MYO5A: variants seen among roughly 807,000 people sequenced by gnomAD.
MYO5A encodes unconventional myosin-Va.
A neutral mutation model predicts 249.7 loss-of-function variants in MYO5A; 98 were observed. That is an observed-to-expected ratio of 0.39 (90% CI 0.33 to 0.46). MYO5A has a LOEUF of 0.46. Ranked by LOEUF, MYO5A falls within the 20% of genes least tolerant of loss-of-function variation. The pLI is 0.98. For synonymous variants in MYO5A, 778 were observed against 810.6 expected (o/e 0.96, Z 0.68); for missense variants, 1,696 against 2,308.8 (o/e 0.73, Z 5.44).
chr15:52,332,540 T>A (rs918488461), intron 34 of MYO5A, among the ~76,000 whole-genome samples: 20 of 152,208 alleles, frequency 1.3e-4, no homozygotes, highest in African/African-American at 4.6e-4. Flanking sequence ...TGTGCCATAC[T>A]CTCACTAAAA....
In MYO5A at chr15:52,397,296, A is replaced by G. The variant is rs2042531444; in HGVS notation, c.1224T>C (p.Tyr408=). 6.2e-7 allele frequency: 1 copy of G among 1,614,164 alleles called. No individual in the cohort carries two copies. Among genetic ancestry groups the G allele is most frequent in the Non-Finnish European group, 8.5e-7 (1 of 1,179,992 alleles). ...NARDALAKHI[Y]AKLFNWIVDN... ...CTACAATCCAGTTAAAGAGCTTGGC[A>G]TAGATGTGCTTGGCCAAAGCATCGC... Residue 408 remains tyrosine, a synonymous_variant, in exon 10 of 42, where the codon TAT becomes TAC. Coordinates refer to ENST00000399233, the MANE Select transcript of MYO5A (RefSeq NM_001382347.1).
chr15:52,524,451 A>T (rs1249654716), intron 1 of MYO5A, among the ~76,000 whole-genome samples: 1 of 151,924 alleles, frequency 6.6e-6, no homozygotes, highest in African/African-American at 2.4e-5. Flanking sequence ...CTACCCAGGA[A>T]GGTGAGGTGG....
At chr15:52,456,825 T>A (rs2076128778) in intron 1 of MYO5A, among the ~76,000 whole-genome samples, 1 of 152,092 alleles carries the variant, frequency 6.6e-6, no homozygotes, top group Non-Finnish European at 1.5e-5. Flanking sequence ...TACATCAAAA[T>A]GGATTAAAGG....
intron 15 of MYO5A, among the ~76,000 whole-genome samples, chr15:52,383,925 T>C (rs935086088): frequency 1.3e-5 from 2 of 152,170 alleles, no homozygotes; most frequent in Non-Finnish European, 2.9e-5. Flanking sequence ...TGAGAGACGA[T>C]ATGCACGAGA....
intron 1 of MYO5A, among the ~76,000 whole-genome samples, chr15:52,470,542 C>T (rs995204877): frequency 6.6e-6 from 1 of 152,052 alleles, no homozygotes; most frequent in African/African-American, 2.4e-5. Context: ...CCCAGCTACT[C>T]GGGAGGCTGA....
rs1034629510 is a variant in MYO5A, at chr15:52,314,268, C to T, written c.5410-65G>A. The stretch of plus-strand genomic sequence containing the variant: ...CAAATACACACTGGGTACCTATAAT[C>T]TGGAAAATTAAAAGGATCTGTGCGT... On this transcript the variant is annotated intron_variant, in intron 40 of 41. Coordinates refer to ENST00000399233, the MANE Select transcript of MYO5A (RefSeq NM_001382347.1). The T allele has an allele frequency of 6.7e-6, 8 of 1,203,000 alleles. No individual in the cohort carries two copies. The African/African-American group carries it at 1.2e-4, about 18-fold the overall frequency. The allele number at this position is 1,203,000 out of a possible 1,614,324, so 74.5% of individuals were successfully genotyped here.
chr15:52,359,310 A>T (rs949285631), intron 25 of MYO5A, among the ~76,000 whole-genome samples: 1 of 152,246 alleles, frequency 6.6e-6, no homozygotes, highest in Non-Finnish European at 1.5e-5. Flanking sequence ...TTGAAACTAT[A>T]TCATATTTTA....
chr15:52,426,025 A>G, intron 3 of MYO5A, 51 bp from the exon 4 acceptor site: 1 of 1,514,938 alleles, frequency 6.6e-7, no homozygotes, highest in Admixed American at 1.7e-5. Context: ...TGATACCCTA[A>G]TGGGCATATC....
intron 1 of MYO5A, among the ~76,000 whole-genome samples, chr15:52,487,723 C>CAAA (rs57515007): frequency 2.3e-5 from 2 of 87,662 alleles, no homozygotes; most frequent in Admixed American, 1.2e-4. Context: ...GACTCTGTCT[C>CAAA]AAAAAAAAAA....
At chr15:52,465,596 A>G (rs1407558982) in intron 1 of MYO5A, among the ~76,000 whole-genome samples, 2 of 152,108 alleles carry the variant, frequency 1.3e-5, no homozygotes, top group South Asian at 4.1e-4. Flanking sequence ...ATTCGAAAGT[A>G]TAGTGCGCTA....
intron 1 of MYO5A, among the ~76,000 whole-genome samples, chr15:52,498,153 A>C (rs1567180803): frequency 6.6e-6 from 1 of 152,168 alleles, no homozygotes; most frequent in South Asian, 2.1e-4. Context: ...CAACAAAACC[A>C]AAAATTAATT....
intron 1 of MYO5A, among the ~76,000 whole-genome samples, chr15:52,437,360 T>C (rs1011805802): frequency 6.6e-6 from 1 of 152,044 alleles, no homozygotes; most frequent in Non-Finnish European, 1.5e-5. Context: ...TTTGGGAGGC[T>C]TAGGCAGGCG....
rs1180982734 is a variant in MYO5A at position 52,370,148 on chromosome 15, G to T, written c.3066+21C>A. On this transcript the variant is annotated intron_variant, in intron 22 of 41. Transcript: ENST00000399233. ...TCTCTTTTGTGTACGGAGTAGATGG[G>T]GATATGGACATTATTCCTACCTGCT... 12 of 1,613,544 alleles carry T rather than the reference G, an allele frequency of 7.4e-6. No individual in the cohort carries two copies. The Admixed American group carries it at 1.3e-4, about 18-fold the overall frequency.
chr15:52,433,337 T>A, intron 1 of MYO5A, 52 bp from the exon 2 acceptor site: 1 of 1,013,952 alleles, frequency 9.9e-7, no homozygotes, highest in Non-Finnish European at 1.5e-6. Context: ...TATTTTACAA[T>A]CATATATAAA....
At chr15:52,437,588 C>T (rs1412377818) in intron 1 of MYO5A, among the ~76,000 whole-genome samples, 3 of 122,242 alleles carry the variant, frequency 2.5e-5, no homozygotes, top group Non-Finnish European at 4.9e-5. Flanking sequence ...GAGCAAGACT[C>T]CATCTCAAAA....
chr15:52,342,882 C>T (rs574667341), intron 31 of MYO5A, among the ~76,000 whole-genome samples: 2 of 151,518 alleles, frequency 1.3e-5, no homozygotes, highest in South Asian at 4.2e-4. Flanking sequence ...CACCACTGCA[C>T]TCCAGCCTAG....
At chr15:52,479,545 A>T (rs564610952) in intron 1 of MYO5A, among the ~76,000 whole-genome samples, 1 of 152,124 alleles carries the variant, frequency 6.6e-6, no homozygotes, top group South Asian at 2.1e-4. Context: ...CATAGTTTAG[A>T]GGTTGTGGTA....
At chr15:52,395,778 T>G (rs1391714232) in intron 11 of MYO5A, among the ~76,000 whole-genome samples, 1 of 152,180 alleles carries the variant, frequency 6.6e-6, no homozygotes, top group Non-Finnish European at 1.5e-5. Flanking sequence ...GCCCCTGATT[T>G]TTAAGCATCT....
At chr15:52,327,494 G>A (rs963131842) in intron 36 of MYO5A, among the ~76,000 whole-genome samples, 3 of 152,110 alleles carry the variant, frequency 2.0e-5, no homozygotes, top group African/African-American at 4.8e-5. Flanking sequence ...GATCACTTGA[G>A]CCTAGGAACT....
Sources: allele counts gnomAD v4.1 joint callset (sites outside exome capture counted in the v4.1 genomes callset), GRCh38; gene constraint gnomAD v4.1.1; transcripts MANE v1.5; gene names NCBI Gene and HGNC (gene_info 2026-07-23, HGNC 2026-07-21).